IL1RAPL1: variants seen among roughly 807,000 people sequenced by gnomAD.
IL1RAPL1 encodes interleukin 1 receptor accessory protein like 1, also known as interleukin-1 receptor accessory protein-like 1.
In IL1RAPL1, 3 loss-of-function variants were observed where a neutral mutation model predicts 48.4. The observed-to-expected ratio is 0.06, with a 90% CI of 0.03 to 0.16. The LOEUF is 0.16. IL1RAPL1 is among the 10% of genes least tolerant of loss of function. IL1RAPL1 has a pLI of 1.00. For synonymous variants in IL1RAPL1, 185 were observed against 187.7 expected (o/e 0.99, Z 0.12); for missense variants, 349 against 530.6 (o/e 0.66, Z 3.36).
rs1427758683 is a variant in IL1RAPL1, at chrX:29,007,542, A to G, written c.82+218117A>G. 1.1e-4 allele frequency among the ~76,000 whole-genome samples: 12 copies of G among 112,136 alleles called. No homozygotes were observed. The Admixed American group carries it at 1.1e-3, about 11-fold the overall frequency. On this transcript the variant is annotated intron_variant, in intron 2 of 10. Transcript: ENST00000378993. ...AAAAGTAAAAATAAAGCTGGATAAC[A>G]TTGATAAAACCATGAGTTCAGTTTT...
chrX:29,613,768 T>C (rs1185733875), intron 5 of IL1RAPL1, among the ~76,000 whole-genome samples: 7 of 93,276 alleles, frequency 7.5e-5, no homozygotes, highest in Non-Finnish European at 1.3e-4. Context: ...TTTCTTTTTT[T>C]TTTTTTTTTT....
At chrX:29,002,045 G>A (rs1470862973) in intron 2 of IL1RAPL1, among the ~76,000 whole-genome samples, 1 of 109,228 alleles carries the variant, frequency 9.2e-6, no homozygotes, top group African/African-American at 3.3e-5. Context: ...ACAGGTGCAT[G>A]CCACTATGTC....
intron 2 of IL1RAPL1, among the ~76,000 whole-genome samples, chrX:29,032,819 C>A (rs1049338350): frequency 8.9e-6 from 1 of 112,125 alleles, no homozygotes; most frequent in African/African-American, 3.2e-5. Flanking sequence ...GTTTGAATTG[C>A]GGGTCTGCCA....
In IL1RAPL1 at chrX:29,743,519, C is replaced by T. The variant is rs180943795; in HGVS notation, c.778+75015C>T. Among the ~76,000 whole-genome samples the T allele has an allele frequency of 4.4e-3, 487 of 111,654 alleles. 1 individual carries two copies. Among genetic ancestry groups the T allele is most frequent in the Admixed American group, 7.2e-3 (76 of 10,500 alleles). Reference sequence around the variant, plus strand: ...TTTATTTTTTTGAGACAGAGCCTCGCTCTGTTGCCAGGCTGGAGTGCAGTG... The same window carrying T: ...TTTATTTTTTTGAGACAGAGCCTCGTTCTGTTGCCAGGCTGGAGTGCAGTG... On this transcript the variant is annotated intron_variant, in intron 6 of 10. Transcript: ENST00000378993.
In IL1RAPL1 at chrX:29,201,817, G is replaced by T. The variant is rs955326047; in HGVS notation, c.83-81121G>T. ...AGCGATTCTCCTGCCTCAGCCTCCC[G>T]AGTAGCTGGGATTAACAGGCATGCG... On this transcript the variant is annotated intron_variant, in intron 2 of 10. Transcript: ENST00000378993. Among the ~76,000 whole-genome samples, 4 of 110,175 alleles carry T rather than the reference G, an allele frequency of 3.6e-5. No homozygotes were observed. In the East Asian group the frequency reaches 1.2e-3, roughly 32 times the overall value.
chrX:28,614,687 TTACTAA>T (rs1180797050), intron 1 of IL1RAPL1, among the ~76,000 whole-genome samples: 1 of 111,190 alleles, frequency 9.0e-6, no homozygotes, highest in East Asian at 2.8e-4. Context: ...ATTTAATAAA[TTACTAA>T]TACTAACAAA....
chrX:29,938,642 G>A (rs185343339), intron 8 of IL1RAPL1, among the ~76,000 whole-genome samples: 1 of 112,268 alleles, frequency 8.9e-6, no homozygotes, highest in Non-Finnish European at 1.9e-5. Context: ...TAAGTGTTTG[G>A]CTAAATGAGT....
intron 1 of IL1RAPL1, among the ~76,000 whole-genome samples, chrX:28,616,288 C>T (rs1304145802): frequency 8.9e-6 from 1 of 112,247 alleles, no homozygotes; most frequent in African/African-American, 3.2e-5. Flanking sequence ...AGACTTCTCA[C>T]CACTTCTGTT....
At chrX:29,100,621 TGTG>T (rs1928315233) in intron 2 of IL1RAPL1, among the ~76,000 whole-genome samples, 1 of 112,089 alleles carries the variant, frequency 8.9e-6, no homozygotes, top group African/African-American at 3.2e-5. Context: ...TAGTTTAACA[TGTG>T]GTAGTTAGAC....
intron 5 of IL1RAPL1, among the ~76,000 whole-genome samples, chrX:29,514,375 C>A (rs775214229): frequency 4.4e-5 from 5 of 112,432 alleles, no homozygotes; most frequent in Non-Finnish European, 9.4e-5. Context: ...AATGAAAACA[C>A]AATGATGTGC....
At position 29,070,194 on chromosome X, in the gene IL1RAPL1, A is replaced by C. The variant is rs745858904; in HGVS notation, c.83-212744A>C. Among the ~76,000 whole-genome samples the C allele has an allele frequency of 8.0e-5, 9 of 111,954 alleles. No homozygotes were observed. The South Asian group carries it at 1.1e-3, about 14-fold the overall frequency. On this transcript the variant is annotated intron_variant, in intron 2 of 10. Coordinates refer to ENST00000378993, the MANE Select transcript of IL1RAPL1 (RefSeq NM_014271.4). ...TGCTTAAAACCTTTAGGATCCAAAGAAGTGTTTTTCATTTTGACATCCTAC... is the reference window on the plus strand; with the variant it reads ...TGCTTAAAACCTTTAGGATCCAAAGCAGTGTTTTTCATTTTGACATCCTAC...
intron 2 of IL1RAPL1, among the ~76,000 whole-genome samples, chrX:28,882,330 T>A (rs1356574061): frequency 9.0e-6 from 1 of 111,082 alleles, no homozygotes; most frequent in African/African-American, 3.3e-5. Context: ...GAATACTATA[T>A]CTGGCAAAAT....
At chrX:28,691,054 C>T (rs1447534040) in intron 1 of IL1RAPL1, among the ~76,000 whole-genome samples, 2 of 111,319 alleles carry the variant, frequency 1.8e-5, no homozygotes, top group African/African-American at 3.3e-5. Context: ...CTTCAGTGAA[C>T]GAAGGTCGTG....
intron 5 of IL1RAPL1, among the ~76,000 whole-genome samples, chrX:29,571,727 T>G (rs1040404212): frequency 8.9e-6 from 1 of 111,790 alleles, no homozygotes; most frequent in African/African-American, 3.2e-5. Flanking sequence ...ATATTCTTTC[T>G]GGGAGAGTGT....
At position 28,873,523 on chromosome X, in the gene IL1RAPL1, C is replaced by CTTTTTTT. The variant is rs10554661; in HGVS notation, c.82+84118_82+84124dup. ...TTCTCAATTATTGTTTTCTTTCTTTCTTTTTTTTTTTTTTTTTTTTTTTTT... is the reference window on the plus strand; with the variant it reads ...TTCTCAATTATTGTTTTCTTTCTTTCTTTTTTTTTTTTTTTTTTTTTTTTTTTTTTTT... On this transcript the variant is annotated intron_variant, in intron 2 of 10. Transcript: ENST00000378993. Among the ~76,000 whole-genome samples the CTTTTTTT allele has an allele frequency of 8.8e-5, 5 of 56,679 alleles. 1 individual carries two copies. The highest frequency in any genetic ancestry group is 2.4e-4 in the African/African-American group (3 of 12,388). 49.2% of individuals were successfully genotyped at this position (56,679 alleles called of 115,157 possible).
chrX:29,879,726 G>A (rs1470569006), intron 6 of IL1RAPL1, among the ~76,000 whole-genome samples: 1 of 109,646 alleles, frequency 9.1e-6, no homozygotes, highest in Non-Finnish European at 1.9e-5. Flanking sequence ...TTCTAAAAAC[G>A]CTCATTTTCT....
intron 2 of IL1RAPL1, among the ~76,000 whole-genome samples, chrX:29,208,942 T>C (rs1342848476): frequency 1.8e-5 from 2 of 109,900 alleles, no homozygotes; most frequent in Non-Finnish European, 3.8e-5. Flanking sequence ...TTTTTCCCAT[T>C]TGACAATTGA....
At chrX:29,906,379 A>G (rs1440889762) in intron 6 of IL1RAPL1, among the ~76,000 whole-genome samples, 1 of 96,134 alleles carries the variant, frequency 1.0e-5, no homozygotes, top group Non-Finnish European at 2.1e-5. Context: ...AAAAAGCAGG[A>G]ATCCAATAAT....
chrX:29,891,377 A>G (rs1932273689), intron 6 of IL1RAPL1, among the ~76,000 whole-genome samples: 1 of 111,351 alleles, frequency 9.0e-6, no homozygotes, highest in Non-Finnish European at 1.9e-5. Flanking sequence ...TGCTTTTCCA[A>G]ATGGCCATCA....
Sources: gnomAD v4.1 joint callset for allele counts (sites outside exome capture counted in the v4.1 genomes callset) on GRCh38, gnomAD v4.1.1 for gene constraint, MANE v1.5 for transcripts, NCBI Gene and HGNC (gene_info 2026-07-23, HGNC 2026-07-21) for gene names.